Variants in TTBK2 observed in about 807,000 individuals in gnomAD.
TTBK2 encodes tau-tubulin kinase 2.
A neutral mutation model predicts 110.8 loss-of-function variants in TTBK2; 28 were observed. That is an observed-to-expected ratio of 0.25 (90% confidence interval 0.19 to 0.35). The LOEUF (loss-of-function observed/expected upper bound fraction) is 0.35, where lower values mean the gene tolerates loss of function less well. TTBK2 is among the 10% of genes least tolerant of loss of function. TTBK2 has a pLI of 1.00. For synonymous variants in TTBK2, 532 were observed against 527.3 expected (o/e 1.01, Z -0.12); for missense variants, 1,369 against 1,500.3 (o/e 0.91, Z 1.45).
At chr15:42,856,196 G>A (rs1458184294) in intron 3 of TTBK2, among the ~76,000 whole-genome samples, 2 of 152,130 alleles carry the variant, frequency 1.3e-5, no homozygotes, top group African/African-American at 4.8e-5. Flanking sequence ...AATGAATGTA[G>A]GTGATAAATT....
At chr15:42,907,917 A>AC (rs1389979647) in intron 1 of TTBK2, among the ~76,000 whole-genome samples, 1 of 150,720 alleles carries the variant, frequency 6.6e-6, no homozygotes, top group East Asian at 1.9e-4. Context: ...CAAAAAAAAA[A>AC]AAAATAATAA....
chr15:42,881,080 G>C (rs1384554096), intron 1 of TTBK2, among the ~76,000 whole-genome samples: 1 of 151,758 alleles, frequency 6.6e-6, no homozygotes, highest in Non-Finnish European at 1.5e-5. Context: ...TCAGGAGTTC[G>C]AGACCAGCCT....
In TTBK2 at chr15:42,774,669, C is replaced by T. The variant is rs74557265; in HGVS notation, c.1998+466G>A. Among the ~76,000 whole-genome samples the T allele has an allele frequency of 7.9e-5, 12 of 152,166 alleles. No individual in the cohort carries two copies. In the East Asian group the frequency reaches 1.9e-3, roughly 25 times the overall value. ...TCAATGTTAGAAAATTACCGTTTAA[C>T]AGGAATATGAAGTATGAGAAATTCC... On this transcript the variant is annotated intron_variant, in intron 13 of 14. Transcript: ENST00000267890.
intron 9 of TTBK2, among the ~76,000 whole-genome samples, chr15:42,795,716 G>T (rs139892397): frequency 6.6e-6 from 1 of 151,758 alleles, no homozygotes; most frequent in East Asian, 1.9e-4. Flanking sequence ...GGTGGTACAC[G>T]CCTGTAATCC....
chr15:42,779,385 G>C (rs1890081481), intron 11 of TTBK2, among the ~76,000 whole-genome samples: 1 of 148,044 alleles, frequency 6.8e-6, no homozygotes, highest in Non-Finnish European at 1.5e-5. Context: ...CTCCAGCCTG[G>C]GCAACAAAGC....
At chr15:42,757,525 T>G (rs1195118691) in intron 13 of TTBK2, among the ~76,000 whole-genome samples, 2 of 152,200 alleles carry the variant, frequency 1.3e-5, no homozygotes, top group Non-Finnish European at 2.9e-5. Flanking sequence ...TACTGACATG[T>G]ACTACACACT....
chr15:42,816,085 A>AATAAACATATATATAT, intron 7 of TTBK2, among the ~76,000 whole-genome samples: 1 of 67,448 alleles, frequency 1.5e-5, no homozygotes, highest in East Asian at 5.6e-4. Context: ...TAAATAAATA[A>AATAAACATATATATAT]ATATATATAT....
chr15:42,746,963 A>ATT (rs377241095), intron 14 of TTBK2, among the ~76,000 whole-genome samples: 7,806 of 135,156 alleles, frequency 0.058, 534 homozygotes, highest in African/African-American at 0.17. Flanking sequence ...TGGGCCTCAG[A>ATT]TTTTTTTTTT....
chr15:42,884,797 CT>C (rs1895179655), intron 1 of TTBK2, among the ~76,000 whole-genome samples: 2 of 152,334 alleles, frequency 1.3e-5, no homozygotes, highest in South Asian at 4.1e-4. Context: ...ATCATATCCC[CT>C]GTGACCTGCA....
At chr15:42,881,732 G>A (rs1282590861) in intron 1 of TTBK2, among the ~76,000 whole-genome samples, 7 of 151,842 alleles carry the variant, frequency 4.6e-5, no homozygotes, top group Admixed American at 2.6e-4. Context: ...ATTAGCGGGC[G>A]TGGTAGTAGG....
At chr15:42,910,499 A>G (rs1175547859) in intron 1 of TTBK2, among the ~76,000 whole-genome samples, 1 of 152,196 alleles carries the variant, frequency 6.6e-6, no homozygotes, top group Non-Finnish European at 1.5e-5. Context: ...CATACAGCTG[A>G]ATGAAACTAA....
At chr15:42,841,219 T>G (rs1450201652) in intron 3 of TTBK2, among the ~76,000 whole-genome samples, 1 of 152,152 alleles carries the variant, frequency 6.6e-6, no homozygotes, top group African/African-American at 2.4e-5. Context: ...TATTTTTTAT[T>G]TTTTTGAGAC....
At chr15:42,916,622 C>T (rs1484851157) in intron 1 of TTBK2, among the ~76,000 whole-genome samples, 1 of 152,204 alleles carries the variant, frequency 6.6e-6, no homozygotes, top group African/African-American at 2.4e-5. Context: ...TGAGCCACCA[C>T]ACCCGGCTGA....
At chr15:42,783,055 G>A (rs1422577877) in intron 11 of TTBK2, among the ~76,000 whole-genome samples, 2 of 152,066 alleles carry the variant, frequency 1.3e-5, no homozygotes, top group Admixed American at 6.5e-5. Flanking sequence ...ATATCACATC[G>A]ATCCAGAGAT....
At chr15:42,844,591 C>T (rs532602553) in intron 3 of TTBK2, among the ~76,000 whole-genome samples, 1 of 152,176 alleles carries the variant, frequency 6.6e-6, no homozygotes, top group Non-Finnish European at 1.5e-5. Context: ...GATATGCACA[C>T]ATAATATGCA....
At chr15:42,793,766 TGAACCCA>T (rs937766089) in intron 10 of TTBK2, among the ~76,000 whole-genome samples, 19 of 151,806 alleles carry the variant, frequency 1.3e-4, no homozygotes, top group African/African-American at 4.6e-4. Context: ...GAAAATCGCT[TGAACCCA>T]GGAGGCAGAG....
intron 14 of TTBK2, among the ~76,000 whole-genome samples, chr15:42,751,493 T>C (rs1294269719): frequency 1.3e-5 from 2 of 152,204 alleles, no homozygotes; most frequent in Admixed American, 1.3e-4. Flanking sequence ...TCCCAGCACT[T>C]TGGGAGGCCA....
chr15:42,826,029 T>C (rs906514268), intron 6 of TTBK2, among the ~76,000 whole-genome samples: 1 of 152,036 alleles, frequency 6.6e-6, no homozygotes, highest in African/African-American at 2.4e-5. Context: ...TATATATATA[T>C]AGCAAGACAA....
chr15:42,802,154 C>T (rs551379122), intron 9 of TTBK2: 31 of 1,402,356 alleles, frequency 2.2e-5, no homozygotes, highest in South Asian at 8.1e-5. Context: ...TGGGTGCGCA[C>T]GGCCTGGATG....
Sources: gnomAD v4.1 joint callset for allele counts (sites outside exome capture counted in the v4.1 genomes callset) on GRCh38, gnomAD v4.1.1 for gene constraint, MANE v1.5 for transcripts, NCBI Gene and HGNC (gene_info 2026-07-23, HGNC 2026-07-21) for gene names.